COMMD1: variants seen among roughly 807,000 people sequenced by gnomAD.
COMMD1 encodes the protein copper metabolism domain containing 1, also known as COMM domain-containing protein 1.
Under a neutral mutation model 17.2 loss-of-function variants are expected in COMMD1, and 10 were observed. That is an observed-to-expected ratio of 0.58 (90% CI 0.36 to 0.99). COMMD1 has a LOEUF of 0.99. COMMD1 is among the 50% of genes least tolerant of loss of function. The pLI, the probability that COMMD1 is intolerant of heterozygous loss-of-function variation, is 0.01. For synonymous variants in COMMD1, 97 were observed against 91.6 expected, an observed-to-expected ratio of 1.06 and a Z score of -0.34; for missense variants, 270 against 231.8, an observed-to-expected ratio of 1.17 and a Z score of -1.07.
chr2:61,940,260 A>G (rs190455090), intron 1 of COMMD1, among the ~76,000 whole-genome samples: 9 of 152,342 alleles, frequency 5.9e-5, no homozygotes, highest in African/African-American at 1.7e-4. Context: ...AATATTTGTC[A>G]AAGGGCAGAT....
intron 2 of COMMD1, among the ~76,000 whole-genome samples, chr2:62,037,224 G>C (rs1192170063): frequency 6.6e-6 from 1 of 152,130 alleles, no homozygotes; most frequent in African/African-American, 2.4e-5. Flanking sequence ...AACTACAATA[G>C]AATAGCTCAT....
Position 62,000,743 on chromosome 2 carries a change from T to C in COMMD1, c.223T>C (p.Phe75Leu). 12 of 1,614,204 alleles carry C rather than the reference T, an allele frequency of 7.4e-6. No homozygotes were observed. The highest frequency in any genetic ancestry group is 1.0e-5 in the Non-Finnish European group (12 of 1,180,034). The change falls in exon 2 of 3, where the codon TTC becomes CTC. Residue 75 changes from phenylalanine (F) to leucine (L), a missense_variant. Physicochemically the swap from Phe to Leu is conservative, Grantham distance 22. Coordinates refer to ENST00000311832, the MANE Select transcript of COMMD1 (RefSeq NM_152516.4). ...CATGGATTTCAACCAGCTGGAGGCATTCTTGACTGCTCAAACCAAAAAGCA... is the reference window on the plus strand; with the variant it reads ...CATGGATTTCAACCAGCTGGAGGCACTCTTGACTGCTCAAACCAAAAAGCA... ...ADMDFNQLEA[F>L]LTAQTKKQGG...
chr2:61,972,633 T>A (rs1352663705), intron 1 of COMMD1, among the ~76,000 whole-genome samples: 1 of 152,154 alleles, frequency 6.6e-6, no homozygotes, highest in Non-Finnish European at 1.5e-5. Flanking sequence ...TATCTCTGCG[T>A]TCTTTCTCCC....
intron 2 of COMMD1, among the ~76,000 whole-genome samples, chr2:62,045,269 G>A (rs975914144): frequency 3.3e-5 from 5 of 152,210 alleles, no homozygotes; most frequent in African/African-American, 1.2e-4. Context: ...CACAGGTCTG[G>A]GTGGGGTAGA....
At position 62,059,169 on chromosome 2, in the gene COMMD1, T is replaced by C. The variant is rs530577712; in HGVS notation, c.462+58187T>C. ...GATAAGTTATCTGTTTTATTATTTTTTTTTGGAGACAAGGTCTTGCTTTGT... is the reference window on the plus strand; with the variant it reads ...GATAAGTTATCTGTTTTATTATTTTCTTTTGGAGACAAGGTCTTGCTTTGT... On this transcript the variant is annotated intron_variant, in intron 2 of 2. Transcript: ENST00000311832. Among the ~76,000 whole-genome samples, 39 of 152,296 alleles carry C rather than the reference T, an allele frequency of 2.6e-4. No homozygotes were observed. The South Asian group carries it at 7.9e-3, about 31-fold the overall frequency.
intron 2 of COMMD1, among the ~76,000 whole-genome samples, chr2:62,128,327 A>G (rs1293623321): frequency 7.5e-6 from 1 of 133,892 alleles, no homozygotes; most frequent in Non-Finnish European, 1.7e-5. Flanking sequence ...GACTCTGTCT[A>G]AAAAAAAGAA....
intron 2 of COMMD1, among the ~76,000 whole-genome samples, chr2:62,048,687 CG>C (rs1204520236): frequency 2.7e-5 from 4 of 150,536 alleles, no homozygotes; most frequent in African/African-American, 9.8e-5. Flanking sequence ...ATTTTTTTCT[CG>C]TTTTTTTTTT....
In COMMD1 at chr2:62,000,861, G is replaced by A. The variant is rs367754580; in HGVS notation, c.341G>A (p.Arg114His). Residue 114 changes from arginine to histidine, a missense_variant, in exon 2 of 3, where the codon CGC becomes CAC. Transcript: ENST00000311832. Reference protein sequence around the residue: ...KIRESLMNQSRWNSGLRGLSW... With the variant: ...KIRESLMNQSHWNSGLRGLSW... The stretch of plus-strand genomic sequence containing the variant: ...CGTGAGAGCCTCATGAACCAGAGCC[G>A]CTGGAATAGCGGGCTTCGGGGCCTG... The A allele has an allele frequency of 1.2e-5, 20 of 1,614,036 alleles. No individual in the cohort carries two copies. The African/African-American group carries it at 1.5e-4, about 12-fold the overall frequency.
intron 2 of COMMD1, among the ~76,000 whole-genome samples, chr2:62,042,097 T>C (rs988594535): frequency 1.3e-5 from 2 of 152,194 alleles, no homozygotes; most frequent in African/African-American, 4.8e-5. Context: ...TGGTCCATTT[T>C]ACAGAGAGCT....
At position 62,134,288 on chromosome 2, in the gene COMMD1, T is replaced by G. The variant is rs570626125; in HGVS notation, c.463-1543T>G. On this transcript the variant is annotated intron_variant, in intron 2 of 2. Coordinates refer to ENST00000311832, the MANE Select transcript of COMMD1 (RefSeq NM_152516.4). ...TAGGAAAATACAGAGAAAAGAACAT[T>G]GACTTAGTGACTGTCATCAACAGAG... 2.0e-5 allele frequency among the ~76,000 whole-genome samples: 3 copies of G among 152,316 alleles called. No individual in the cohort carries two copies. The East Asian group carries it at 5.8e-4, about 29-fold the overall frequency.
At chr2:62,080,316 A>G (rs936299342) in intron 2 of COMMD1, among the ~76,000 whole-genome samples, 2 of 152,186 alleles carry the variant, frequency 1.3e-5, no homozygotes, top group Non-Finnish European at 2.9e-5. Flanking sequence ...AAAAGAGATG[A>G]ATACTGGCAA....
chr2:61,955,483 C>G (rs895805720), intron 1 of COMMD1, among the ~76,000 whole-genome samples: 1 of 152,052 alleles, frequency 6.6e-6, no homozygotes, highest in Non-Finnish European at 1.5e-5. Flanking sequence ...TGATGAAGCT[C>G]AGTTTATTAG....
chr2:62,133,863 TG>T (rs1673111543), intron 2 of COMMD1, among the ~76,000 whole-genome samples: 1 of 152,158 alleles, frequency 6.6e-6, no homozygotes, highest in South Asian at 2.1e-4. Flanking sequence ...TCACCAAGGT[TG>T]CTAGGCTCAC....
chr2:62,042,976 C>T (rs1165408601), intron 2 of COMMD1, among the ~76,000 whole-genome samples: 7 of 152,214 alleles, frequency 4.6e-5, no homozygotes, highest in South Asian at 4.1e-4. Flanking sequence ...TTTTCTGTGA[C>T]GTTTTAAACA....
intron 2 of COMMD1, among the ~76,000 whole-genome samples, chr2:62,031,072 G>A (rs1669897230): frequency 6.6e-6 from 1 of 152,096 alleles, no homozygotes; most frequent in Non-Finnish European, 1.5e-5. Flanking sequence ...GTAAACCTTT[G>A]AGATTTTGTG....
intron 2 of COMMD1, among the ~76,000 whole-genome samples, chr2:62,104,377 T>C (rs1672264851): frequency 6.6e-6 from 1 of 151,976 alleles, no homozygotes; most frequent in South Asian, 2.1e-4. Flanking sequence ...CTCACGCCTG[T>C]AATCCCAGCA....
chr2:62,019,558 T>C (rs1290132875), intron 2 of COMMD1, among the ~76,000 whole-genome samples: 1 of 152,070 alleles, frequency 6.6e-6, no homozygotes, highest in African/African-American at 2.4e-5. Context: ...AGGCCCTACC[T>C]CCCAACACTG....
chr2:62,094,019 G>T (rs149972849), intron 2 of COMMD1, among the ~76,000 whole-genome samples: 1 of 152,190 alleles, frequency 6.6e-6, no homozygotes, highest in Non-Finnish European at 1.5e-5. Flanking sequence ...GCCCAGTAAT[G>T]CCCCTGGTTG....
intron 1 of COMMD1, among the ~76,000 whole-genome samples, chr2:61,948,194 G>T (rs2103658429): frequency 6.6e-6 from 1 of 152,232 alleles, no homozygotes; most frequent in African/African-American, 2.4e-5. Flanking sequence ...CTGCAGCCTT[G>T]ACCTCCTGGG....
Sources: allele counts gnomAD v4.1 joint callset (sites outside exome capture counted in the v4.1 genomes callset), GRCh38; gene constraint gnomAD v4.1.1; transcripts MANE v1.5; gene names NCBI Gene and HGNC (gene_info 2026-07-23, HGNC 2026-07-21).